The following CASZ1 variants were observed in gnomAD, a reference collection of about 807,000 sequenced individuals.
The protein encoded by CASZ1 is castor zinc finger 1, also known as zinc finger protein castor homolog 1.
In CASZ1, 28 loss-of-function variants were observed where a neutral mutation model predicts 135.2. That is an observed-to-expected ratio of 0.21 (90% CI 0.15 to 0.28). The LOEUF (loss-of-function observed/expected upper bound fraction) is 0.28. Ranked by LOEUF, CASZ1 falls within the 10% of genes least tolerant of loss-of-function variation. The pLI is 1.00. For synonymous variants in CASZ1, 1,068 were observed against 1,073.4 expected, an observed-to-expected ratio of 0.99 and a Z score of 0.10; for missense variants, 2,161 against 2,453.3, an observed-to-expected ratio of 0.88 and a Z score of 2.52.
rs1257373543 is a variant in CASZ1, at chr1:10,639,826, A to G, written c.4396T>C (p.Tyr1466His). The stretch of plus-strand genomic sequence containing the variant: ...ATGTGCGTGCGCCCGCAGAACTTGT[A>G]GCCGCAGTTCTCGCGCGTGCAGTGG... ...HYHCTRENCG[Y>H]KFCGRTHMYK... is the part of the protein sequence containing the mutation. The change falls in exon 21 of 21, where the codon TAC becomes CAC. Residue 1466 changes from tyrosine (Y) to histidine (H), a missense_variant. By Grantham distance (83) the Tyr-to-His change is moderately conservative. Around this residue, in one of 7 missense-constraint regions of CASZ1, gnomAD observed 240 missense variants for 321.4 expected, o/e 0.75. Coordinates refer to ENST00000377022, the MANE Select transcript of CASZ1 (RefSeq NM_001079843.3). This position sits in a 1 kb window ranked among gnomAD's most constrained non-coding sequence, Gnocchi z 4.0. The G allele has an allele frequency of 6.2e-7, 1 of 1,610,886 alleles. No individual in the cohort carries two copies. Among genetic ancestry groups the G allele is most frequent in the East Asian group, 2.2e-5 (1 of 44,780 alleles).
intron 1 of CASZ1, among the ~76,000 whole-genome samples, chr1:10,793,693 TAAGG>T (rs1641003031): frequency 8.7e-6 from 1 of 114,798 alleles, no homozygotes; most frequent in African/African-American, 3.5e-5. Flanking sequence ...TAACCGCCTC[TAAGG>T]TGGCTAACAA....
intron 2 of CASZ1, among the ~76,000 whole-genome samples, chr1:10,737,918 T>A (rs1488862404): frequency 6.6e-6 from 1 of 152,228 alleles, no homozygotes; most frequent in East Asian, 1.9e-4. Context: ...CAGGCAGTGA[T>A]GCTGGGGACA....
At chr1:10,778,628 C>G (rs1176193268) in intron 1 of CASZ1, among the ~76,000 whole-genome samples, 1 of 152,166 alleles carries the variant, frequency 6.6e-6, no homozygotes, top group Admixed American at 6.5e-5. Flanking sequence ...GGTCTTTCTT[C>G]CTGAATCTGA....
rs904753630 is a variant in CASZ1 at position 10,701,139 on chromosome 1, G to A, written c.-24+4353C>T. Reference sequence around the variant, plus strand: ...CCCCTGATGCCAGGGCCAGCAGGTTGTCAAGGAGCTGAGCTGCCCCAGGTG... The same window carrying A: ...CCCCTGATGCCAGGGCCAGCAGGTTATCAAGGAGCTGAGCTGCCCCAGGTG... On this transcript the variant is annotated intron_variant, in intron 3 of 20. Transcript: ENST00000377022. This position sits in a 1 kb window ranked among gnomAD's most constrained non-coding sequence, Gnocchi z 6.3. Among the ~76,000 whole-genome samples the A allele has an allele frequency of 6.6e-6, 1 of 152,200 alleles. No individual in the cohort carries two copies. Among genetic ancestry groups the A allele is most frequent in the Non-Finnish European group, 1.5e-5 (1 of 68,044 alleles).
chr1:10,743,599 C>G (rs1195686078), intron 2 of CASZ1, among the ~76,000 whole-genome samples: 1 of 146,882 alleles, frequency 6.8e-6, no homozygotes, highest in Non-Finnish European at 1.5e-5. Context: ...GGATTCTTTT[C>G]CTGCCTTTTT....
intron 1 of CASZ1, among the ~76,000 whole-genome samples, chr1:10,780,892 A>G (rs147003013): frequency 6.6e-6 from 1 of 152,276 alleles, no homozygotes; most frequent in East Asian, 1.9e-4. Context: ...TCAATCCCAC[A>G]AAGAGTCACA....
At chr1:10,773,067 G>A (rs1640603327) in intron 1 of CASZ1, among the ~76,000 whole-genome samples, 1 of 152,010 alleles carries the variant, frequency 6.6e-6, no homozygotes, top group Admixed American at 6.5e-5. Context: ...AGAGGAAGGG[G>A]CTGGGTGCCC....
At chr1:10,674,531 C>G (rs902078753) in intron 4 of CASZ1, among the ~76,000 whole-genome samples, 4 of 152,270 alleles carry the variant, frequency 2.6e-5, no homozygotes, top group African/African-American at 7.2e-5. Flanking sequence ...TTGGAAAGCT[C>G]ATCACTTCAG....
chr1:10,728,074 C>T (rs932223970), intron 2 of CASZ1, among the ~76,000 whole-genome samples: 24 of 152,246 alleles, frequency 1.6e-4, no homozygotes, highest in Admixed American at 2.6e-4. Context: ...CTGCTCCTTC[C>T]CCACATGGCA....
rs76907660 is a variant in CASZ1, at chr1:10,701,619, G to T, written c.-24+3873C>A. Reference sequence around the variant, plus strand: ...AGAGAGGAAGTACCACCAGGGCTAAGGGGAGCTTCTGTCCTGCTCCTCCAG... The same window carrying T: ...AGAGAGGAAGTACCACCAGGGCTAATGGGAGCTTCTGTCCTGCTCCTCCAG... On this transcript the variant is annotated intron_variant, in intron 3 of 20. Coordinates refer to ENST00000377022, the MANE Select transcript of CASZ1 (RefSeq NM_001079843.3). This position sits in a 1 kb window ranked among gnomAD's most constrained non-coding sequence, Gnocchi z 6.3. 2.7e-3 allele frequency among the ~76,000 whole-genome samples: 405 copies of T among 152,300 alleles called. 13 individuals carry two copies. In the East Asian group the frequency reaches 0.065, roughly 24 times the overall value.
In CASZ1 at chr1:10,637,742, G is replaced by T. The variant is rs1487585052; in HGVS notation, c.*1200C>A. 1.3e-5 allele frequency: 2 copies of T among 152,372 alleles called. No individual in the cohort carries two copies. The highest frequency in any genetic ancestry group is 2.9e-5 in the Non-Finnish European group (2 of 68,020). The allele number at this position is 152,372 out of a possible 1,614,324, so 9.4% of individuals were successfully genotyped here. On this transcript the variant is annotated 3_prime_UTR_variant, in exon 21 of 21. Coordinates refer to ENST00000377022, the MANE Select transcript of CASZ1 (RefSeq NM_001079843.3). Reference sequence around the variant, plus strand: ...TGGCATCATCATCTCCAGGAAGGGGGATGTTTTGCAAAGGGAACCCAATCT... The same window carrying T: ...TGGCATCATCATCTCCAGGAAGGGGTATGTTTTGCAAAGGGAACCCAATCT...
At chr1:10,668,214 G>A (rs986748201) in intron 4 of CASZ1, among the ~76,000 whole-genome samples, 1 of 152,102 alleles carries the variant, frequency 6.6e-6, no homozygotes, top group Non-Finnish European at 1.5e-5. Context: ...GCCGCCTTCC[G>A]GCCCAGGGCC....
rs371169306 is a variant in CASZ1, at chr1:10,792,876, A to G, written c.-234+3688T>C. Among the ~76,000 whole-genome samples, 60 of 152,312 alleles carry G rather than the reference A, an allele frequency of 3.9e-4. 2 individuals carry two copies. The East Asian group carries it at 8.3e-3, about 21-fold the overall frequency. On this transcript the variant is annotated intron_variant, in intron 1 of 20. Coordinates refer to ENST00000377022, the MANE Select transcript of CASZ1 (RefSeq NM_001079843.3). ...TTCCCCAAAAAATAAATAAATAAAT[A>G]AAGCACTCCAGTAAGTTTGACTAAA...
Position 10,739,498 on chromosome 1 carries a change from C to T in CASZ1, c.-77+21203G>A, listed in dbSNP as rs752572169. ...GCTGCTCTGTAATTAAGCTCAGCTGCGCCCACTCAGGCTTCCAGACCTTTC... is the reference window on the plus strand; with the variant it reads ...GCTGCTCTGTAATTAAGCTCAGCTGTGCCCACTCAGGCTTCCAGACCTTTC... On this transcript the variant is annotated intron_variant, in intron 2 of 20. Coordinates refer to ENST00000377022, the MANE Select transcript of CASZ1 (RefSeq NM_001079843.3). The surrounding 1 kb of genome is among the most constrained non-coding windows in gnomAD (Gnocchi z 4.8). 6.6e-6 allele frequency among the ~76,000 whole-genome samples: 1 copy of T among 152,156 alleles called. No homozygotes were observed. The highest frequency in any genetic ancestry group is 2.4e-5 in the African/African-American group (1 of 41,428).
chr1:10,648,162 TCTCATGGGGGG>T, intron 15 of CASZ1, 23 bp from the exon 16 acceptor site: 1 of 1,457,862 alleles, frequency 6.9e-7, no homozygotes, highest in Admixed American at 2.5e-5. Context: ...GAAGAGGGGG[TCTCATGGGGGG>T]CAGTGAAGAC....
At chr1:10,648,876 C>G (rs1437323148) in intron 15 of CASZ1, 194 bp downstream of exon 15, 1 of 714,240 alleles carries the variant, frequency 1.4e-6, no homozygotes, top group Non-Finnish European at 2.2e-6. Context: ...GACAGGGGCT[C>G]AGAGCCCCCG....
Position 10,724,701 on chromosome 1 carries a change from A to G in CASZ1, c.-76-19157T>C, listed in dbSNP as rs866587182. ...AAGGTTGCCCCTGGTCTTCGCTCAG[A>G]GGGGCACCCCAAGGGCACTGCCCAG... On this transcript the variant is annotated intron_variant, in intron 2 of 20. Transcript: ENST00000377022. This position sits in a 1 kb window ranked among gnomAD's most constrained non-coding sequence, Gnocchi z 4.1. 2.0e-5 allele frequency among the ~76,000 whole-genome samples: 3 copies of G among 152,242 alleles called. No individual in the cohort carries two copies. Among genetic ancestry groups the G allele is most frequent in the South Asian group, 2.1e-4 (1 of 4,814 alleles).
At chr1:10,731,883 G>A (rs568678230) in intron 2 of CASZ1, among the ~76,000 whole-genome samples, 1 of 152,228 alleles carries the variant, frequency 6.6e-6, no homozygotes, top group Admixed American at 6.5e-5. Flanking sequence ...CTAAAATTTT[G>A]TTTTGGAAAA....
chr1:10,669,287 C>G (rs1352899871), intron 4 of CASZ1, among the ~76,000 whole-genome samples: 1 of 152,200 alleles, frequency 6.6e-6, no homozygotes, highest in Non-Finnish European at 1.5e-5. Flanking sequence ...TAAGCCGGCC[C>G]TAGGAAATCC....
Sources: allele counts gnomAD v4.1 joint callset (sites outside exome capture counted in the v4.1 genomes callset), GRCh38; gene constraint gnomAD v4.1.1; regional missense constraint gnomAD v4.1.1; non-coding constraint Gnocchi (gnomAD v3.1); transcripts MANE v1.5; gene names NCBI Gene and HGNC (gene_info 2026-07-23, HGNC 2026-07-21).